The following SPEF2 variants were observed in gnomAD, a reference collection of about 807,000 sequenced individuals.
SPEF2 encodes the protein sperm flagella and cilia-associated protein 2.
A neutral mutation model predicts 224.6 loss-of-function variants in SPEF2; 187 were observed. That is an observed-to-expected ratio of 0.83 (90% CI 0.74 to 0.94). The LOEUF (loss-of-function observed/expected upper bound fraction) is 0.94, where lower values mean the gene tolerates loss of function less well. Among genes scored for constraint, SPEF2 ranks in the 40% least tolerant of loss-of-function variants. The pLI is 0.00. For synonymous variants in SPEF2, 715 were observed against 707.3 expected, an observed-to-expected ratio of 1.01 and a Z score of -0.17; for missense variants, 2,170 against 2,135.6, an observed-to-expected ratio of 1.02 and a Z score of -0.32.
intron 21 of SPEF2, among the ~76,000 whole-genome samples, chr5:35,733,788 TAA>T (rs369958797): frequency 1.0e-3 from 155 of 147,940 alleles, no homozygotes; most frequent in African/African-American, 3.0e-3. Flanking sequence ...GTGAATTGTT[TAA>T]AAAAAAAAAA....
intron 7 of SPEF2, among the ~76,000 whole-genome samples, chr5:35,656,291 A>G (rs1240621914): frequency 6.6e-6 from 1 of 152,188 alleles, no homozygotes; most frequent in African/African-American, 2.4e-5. Context: ...GAAAGGAAAT[A>G]AAGCCTTCAT....
chr5:35,639,214 A>G (rs1291964785), intron 2 of SPEF2, among the ~76,000 whole-genome samples: 9 of 152,076 alleles, frequency 5.9e-5, no homozygotes, highest in Non-Finnish European at 1.0e-4. Context: ...ATATACTACA[A>G]AGGACTAACT....
chr5:35,663,349 G>A (rs1749999065), intron 8 of SPEF2, among the ~76,000 whole-genome samples: 1 of 152,140 alleles, frequency 6.6e-6, no homozygotes, highest in African/African-American at 2.4e-5. Flanking sequence ...TGACATCTGT[G>A]GTCATATGTC....
chr5:35,742,099 C>G (rs7702529), intron 23 of SPEF2, among the ~76,000 whole-genome samples: 3,781 of 152,192 alleles, frequency 0.025, 179 homozygotes, highest in African/African-American at 0.088. Flanking sequence ...TTGTAACATT[C>G]TTTTTAAGTC....
Position 35,779,245 on chromosome 5 carries a change from C to G in SPEF2, c.4346C>G (p.Pro1449Arg), listed in dbSNP as rs1430374190. ...GNIKVFPDPP[P>R]SIRPPPVEKE... ...ATAAAAGTCTTCCCAGATCCTCCCC[C>G]ATCAATACGTCCTCCACCTGTAGAA... is the stretch of plus-strand genomic sequence containing the variant. The change falls in exon 30 of 37, where the codon CCA becomes CGA. Residue 1449 changes from proline (P) to arginine (R), a missense_variant. Physicochemically the swap from Pro to Arg is moderately radical, Grantham distance 103. Coordinates refer to ENST00000356031, the MANE Select transcript of SPEF2 (RefSeq NM_024867.4). 6.2e-7 allele frequency: 1 copy of G among 1,613,832 alleles called. No individual in the cohort carries two copies. Among genetic ancestry groups the G allele is most frequent in the African/African-American group, 1.3e-5 (1 of 74,900 alleles).
At chr5:35,808,716 A>T (rs1167574362) in intron 36 of SPEF2, among the ~76,000 whole-genome samples, 1 of 146,582 alleles carries the variant, frequency 6.8e-6, no homozygotes, top group Non-Finnish European at 1.5e-5. Flanking sequence ...ATACACACAC[A>T]TATATATTTA....
At chr5:35,687,346 T>C (rs1753769259) in intron 10 of SPEF2, among the ~76,000 whole-genome samples, 2 of 152,180 alleles carry the variant, frequency 1.3e-5, no homozygotes, top group Non-Finnish European at 1.5e-5. Context: ...ATTCTTTTCA[T>C]TACCATATTT....
chr5:35,671,476 A>T (rs940331519), intron 10 of SPEF2: 5 of 982,506 alleles, frequency 5.1e-6, no homozygotes, highest in South Asian at 9.4e-5. Context: ...TATTACATCC[A>T]CCTAAAGTAT....
At chr5:35,741,872 T>A (rs61681692) in intron 23 of SPEF2, among the ~76,000 whole-genome samples, 6 of 152,054 alleles carry the variant, frequency 3.9e-5, no homozygotes, top group Admixed American at 1.3e-4. Context: ...TCCTGTATAC[T>A]TCTTCCTCCA....
intron 10 of SPEF2, among the ~76,000 whole-genome samples, chr5:35,681,070 A>T (rs1752730118): frequency 1.3e-5 from 2 of 152,118 alleles, no homozygotes; most frequent in Non-Finnish European, 2.9e-5. Context: ...AAATTACCTA[A>T]CCTCTCACTA....
At chr5:35,760,835 G>C (rs1392638383) in intron 25 of SPEF2, among the ~76,000 whole-genome samples, 1 of 151,950 alleles carries the variant, frequency 6.6e-6, no homozygotes, top group African/African-American at 2.4e-5. Flanking sequence ...AGAGCTAAAA[G>C]TAAGAATTAA....
intron 36 of SPEF2, among the ~76,000 whole-genome samples, chr5:35,812,864 G>A (rs535472320): frequency 6.6e-6 from 1 of 152,184 alleles, no homozygotes; most frequent in Non-Finnish European, 1.5e-5. Flanking sequence ...CAGGGCACCT[G>A]ACTTTAAAAT....
At chr5:35,763,988 A>G (rs1031817787) in intron 26 of SPEF2, among the ~76,000 whole-genome samples, 2 of 152,152 alleles carry the variant, frequency 1.3e-5, no homozygotes, top group Non-Finnish European at 2.9e-5. Flanking sequence ...GTCAAGTGTA[A>G]GACAATCAGG....
intron 8 of SPEF2, among the ~76,000 whole-genome samples, chr5:35,661,257 TATATATATATATATATATATATA>T (rs1561152281): frequency 1.6e-4 from 1 of 6,236 alleles, no homozygotes; most frequent in African/African-American, 1.3e-3. Context: ...GTATATATTA[TATATATATATATATATATATATA>T]TATATATATA....
rs1289215709 is a variant in SPEF2, at chr5:35,740,207, C to T, written c.3270C>T (p.Ser1090=). 2 of 1,614,114 alleles carry T rather than the reference C, an allele frequency of 1.2e-6. No individual in the cohort carries two copies. Among genetic ancestry groups the T allele is most frequent in the South Asian group, 2.2e-5 (2 of 91,078 alleles). Residue 1090 remains serine, a synonymous_variant, in exon 23 of 37, where the codon TCC becomes TCT. Transcript: ENST00000356031. ...CTCAATGGCAGGCTGATTTCAACTC[C>T]CTTCCTGATGACCTGTGGGATGATG... is the stretch of plus-strand genomic sequence containing the variant. The part of the protein sequence containing the change: ...FVAQWQADFN[S]LPDDLWDDEE...
chr5:35,789,155 C>T (rs759186539), intron 30 of SPEF2: 19 of 702,964 alleles, frequency 2.7e-5, no homozygotes, highest in South Asian at 2.5e-4. Context: ...ACCTGTGTTA[C>T]AGGCAGGCAG....
At position 35,763,672 on chromosome 5, in the gene SPEF2, G is replaced by A; in HGVS notation, c.3771G>A (p.Trp1257Ter). Reference protein sequence around the residue: ...EADEKLVMDTWQQASLAVSHM... With the variant: ...EADEKLVMDT ...ATGAAAAGTTGGTCATGGACACCTG[G>A]CAGCAGGCTTCTTTAGCAGTATCTC... Residue 1257 changes from tryptophan to a stop codon, truncating the protein, a stop_gained, in exon 26 of 37, where the codon TGG becomes TGA. Coordinates refer to ENST00000356031, the MANE Select transcript of SPEF2 (RefSeq NM_024867.4). LOFTEE classifies it high-confidence loss of function. 6.2e-7 allele frequency: 1 copy of A among 1,612,522 alleles called. No homozygotes were observed.
chr5:35,625,380 A>G (rs16902350), intron 1 of SPEF2, among the ~76,000 whole-genome samples: 14,499 of 152,192 alleles, frequency 0.095, 852 homozygotes, highest in East Asian at 0.18. Context: ...ATGGTTTGTT[A>G]CAGACCGTTT....
At chr5:35,756,694 C>T (rs1209543541) in intron 24 of SPEF2, among the ~76,000 whole-genome samples, 2 of 152,148 alleles carry the variant, frequency 1.3e-5, no homozygotes, top group African/African-American at 4.8e-5. Flanking sequence ...AAAGCGGGTT[C>T]CGTAGACATT....
Sources: gnomAD v4.1 joint callset for allele counts (sites outside exome capture counted in the v4.1 genomes callset) on GRCh38, gnomAD v4.1.1 for gene constraint, MANE v1.5 for transcripts, NCBI Gene and HGNC (gene_info 2026-07-23, HGNC 2026-07-21) for gene names.